Variants in PKIB observed in about 807,000 individuals in gnomAD.
The protein encoded by PKIB is PKI-beta.
Under a neutral mutation model 4.5 loss-of-function variants are expected in PKIB, and 2 were observed. That is an observed-to-expected ratio of 0.44 (90% CI 0.18 to 1.39). PKIB has a LOEUF of 1.39. Among genes scored for constraint, PKIB ranks in the 40% most tolerant of loss-of-function variants. PKIB has a pLI of 0.27. For synonymous variants in PKIB, 38 were observed against 36.0 expected (o/e 1.06, Z -0.20); for missense variants, 94 against 92.6 (o/e 1.02, Z -0.06).
chr6:122,548,951 AC>A (rs1324874687), intron 2 of PKIB, among the ~76,000 whole-genome samples: 4 of 152,220 alleles, frequency 2.6e-5, no homozygotes, highest in African/African-American at 9.6e-5. Context: ...GTTCTAGCAC[AC>A]ATCCATTTCA....
At chr6:122,485,180 A>G (rs1275448541) in intron 2 of PKIB, among the ~76,000 whole-genome samples, 4 of 151,388 alleles carry the variant, frequency 2.6e-5, no homozygotes, top group African/African-American at 9.7e-5. Flanking sequence ...AATTTAATTC[A>G]GCTGAAGTTT....
intron 2 of PKIB, among the ~76,000 whole-genome samples, chr6:122,667,837 A>G (rs375447503): frequency 1.4e-4 from 21 of 152,304 alleles, no homozygotes; most frequent in East Asian, 9.6e-4. Context: ...GATTGATCTG[A>G]GTGGCTTTCA....
At chr6:122,510,767 T>C (rs1776561031) in intron 2 of PKIB, among the ~76,000 whole-genome samples, 1 of 152,182 alleles carries the variant, frequency 6.6e-6, no homozygotes, top group Non-Finnish European at 1.5e-5. Context: ...AGCCACTGTT[T>C]GACCCAGATA....
At chr6:122,674,384 G>A (rs2566816) in intron 2 of PKIB, among the ~76,000 whole-genome samples, 57,425 of 151,944 alleles carry the variant, frequency 0.38, 11,897 homozygotes, top group South Asian at 0.61. Context: ...CAGTGAGAGT[G>A]TGGTGAAGGG....
chr6:122,582,997 T>C (rs1773746033), intron 2 of PKIB, among the ~76,000 whole-genome samples: 1 of 152,046 alleles, frequency 6.6e-6, no homozygotes, highest in Non-Finnish European at 1.5e-5. Context: ...CTTAGTCATA[T>C]GAAGAAATAT....
intron 2 of PKIB, among the ~76,000 whole-genome samples, chr6:122,498,072 C>T (rs1301016825): frequency 1.3e-5 from 2 of 152,170 alleles, no homozygotes; most frequent in Non-Finnish European, 2.9e-5. Context: ...CTCTCAAAAC[C>T]ACCCAATTAC....
At chr6:122,665,682 G>A (rs1258067373) in intron 2 of PKIB, among the ~76,000 whole-genome samples, 1 of 151,990 alleles carries the variant, frequency 6.6e-6, no homozygotes, top group Non-Finnish European at 1.5e-5. Context: ...AAAGTTGGTT[G>A]TAAAGTCAGT....
chr6:122,688,908 G>C (rs545945302), intron 3 of PKIB, among the ~76,000 whole-genome samples: 8 of 151,790 alleles, frequency 5.3e-5, no homozygotes, highest in Non-Finnish European at 1.0e-4. Context: ...AGCCTCCCGA[G>C]TGGCTGGGAC....
At chr6:122,613,849 G>C (rs1234153237) in intron 1 of PKIB, among the ~76,000 whole-genome samples, 2 of 150,326 alleles carry the variant, frequency 1.3e-5, no homozygotes, top group African/African-American at 4.9e-5. Flanking sequence ...TGTAGTCCCA[G>C]CTATTTGGGA....
At chr6:122,535,553 C>T (rs1777379735) in intron 2 of PKIB, among the ~76,000 whole-genome samples, 1 of 152,192 alleles carries the variant, frequency 6.6e-6, no homozygotes, top group Non-Finnish European at 1.5e-5. Flanking sequence ...AATCTAAAAA[C>T]CTTCCAGCAT....
chr6:122,555,169 TGG>T (rs1438856955), intron 2 of PKIB, among the ~76,000 whole-genome samples: 1 of 152,126 alleles, frequency 6.6e-6, no homozygotes, highest in East Asian at 1.9e-4. Context: ...TCCACTGGTT[TGG>T]GGGAATAAGA....
At chr6:122,701,612 C>T in intron 3 of PKIB, 1 of 1,272,158 alleles carries the variant, frequency 7.9e-7, no homozygotes, top group Non-Finnish European at 1.1e-6. Context: ...GTTAGCAGTT[C>T]TGTCTCAGGT....
chr6:122,496,207 T>C (rs9385249), intron 2 of PKIB, among the ~76,000 whole-genome samples: 23,720 of 152,196 alleles, frequency 0.16, 1,934 homozygotes, highest in East Asian at 0.26. Flanking sequence ...CCACATGGCA[T>C]AGTATAAAAT....
intron 4 of PKIB, among the ~76,000 whole-genome samples, chr6:122,721,041 G>T (rs1186420183): frequency 2.0e-5 from 3 of 152,218 alleles, no homozygotes; most frequent in Admixed American, 6.5e-5. Context: ...TATGATTGAG[G>T]AGAAAACAGT....
At chr6:122,548,606 AT>A (rs1772576929) in intron 2 of PKIB, among the ~76,000 whole-genome samples, 1 of 152,206 alleles carries the variant, frequency 6.6e-6, no homozygotes, top group African/African-American at 2.4e-5. Context: ...AGAGTTAAGC[AT>A]TTGATTTTAT....
At chr6:122,580,943 A>G (rs1179287097) in intron 2 of PKIB, among the ~76,000 whole-genome samples, 7 of 152,144 alleles carry the variant, frequency 4.6e-5, no homozygotes, top group Admixed American at 3.9e-4. Context: ...ATTATCATCA[A>G]TTCTTGTCTG....
At chr6:122,540,931 T>C (rs1777575837) in intron 2 of PKIB, among the ~76,000 whole-genome samples, 1 of 151,218 alleles carries the variant, frequency 6.6e-6, no homozygotes, top group East Asian at 1.9e-4. Context: ...TTTACCATTA[T>C]GTAATGGCCT....
chr6:122,687,275 G>A (rs1271304554), intron 3 of PKIB, among the ~76,000 whole-genome samples: 1 of 152,110 alleles, frequency 6.6e-6, no homozygotes, highest in Non-Finnish European at 1.5e-5. Context: ...TGAGTTTACT[G>A]TAGATGTATA....
chr6:122,533,003 C>G (rs184840914), intron 2 of PKIB, among the ~76,000 whole-genome samples: 1 of 152,050 alleles, frequency 6.6e-6, no homozygotes, highest in African/African-American at 2.4e-5. Context: ...AATATCTATT[C>G]AAGTCCTTTG....
Sources: gnomAD v4.1 joint callset for allele counts (sites outside exome capture counted in the v4.1 genomes callset) on GRCh38, gnomAD v4.1.1 for gene constraint, MANE v1.5 for transcripts, NCBI Gene and HGNC (gene_info 2026-07-23, HGNC 2026-07-21) for gene names.